ARHGEF3: variants seen among roughly 807,000 people sequenced by gnomAD.
ARHGEF3 encodes 59.8 kDA protein.
A neutral mutation model predicts 63.2 loss-of-function variants in ARHGEF3; 28 were observed. The observed-to-expected ratio is 0.44, with a 90% CI of 0.33 to 0.61. The LOEUF is 0.61. Among genes scored for constraint, ARHGEF3 ranks in the 20% least tolerant of loss-of-function variants. ARHGEF3 has a pLI of 0.03. For synonymous variants in ARHGEF3, 266 were observed against 254.2 expected (o/e 1.05, Z -0.44); for missense variants, 533 against 659.3 (o/e 0.81, Z 2.10).
chr3:57,030,285 A>T (rs1703679609), intron 2 of ARHGEF3, among the ~76,000 whole-genome samples: 1 of 152,212 alleles, frequency 6.6e-6, no homozygotes, highest in African/African-American at 2.4e-5. Flanking sequence ...CAGGAGAGTA[A>T]AGCCTAGCAG....
intron 3 of ARHGEF3, among the ~76,000 whole-genome samples, chr3:56,905,181 T>C (rs1188457616): frequency 6.6e-6 from 1 of 152,220 alleles, no homozygotes; most frequent in African/African-American, 2.4e-5. Flanking sequence ...TAGGTATTCA[T>C]TTTTTGAATA....
chr3:56,950,289 T>C (rs887111840), intron 3 of ARHGEF3, among the ~76,000 whole-genome samples: 2 of 151,998 alleles, frequency 1.3e-5, no homozygotes, highest in African/African-American at 2.4e-5. Flanking sequence ...TGGGATCTAA[T>C]TAAACTAAAG....
chr3:56,961,901 TG>T (rs1399638828), intron 2 of ARHGEF3, among the ~76,000 whole-genome samples: 1 of 152,120 alleles, frequency 6.6e-6, no homozygotes, highest in Non-Finnish European at 1.5e-5. Context: ...ACAAATTAGC[TG>T]GGCATTGTGG....
At chr3:56,958,306 C>T (rs954309921) in intron 3 of ARHGEF3, among the ~76,000 whole-genome samples, 1 of 150,330 alleles carries the variant, frequency 6.7e-6, no homozygotes, top group Non-Finnish European at 1.5e-5. Flanking sequence ...CAGAAGCTTA[C>T]TGGGCCACTT....
chr3:56,867,461 T>TTA (rs745636144), intron 4 of ARHGEF3, among the ~76,000 whole-genome samples: 1 of 45,136 alleles, frequency 2.2e-5, no homozygotes, highest in African/African-American at 9.4e-5. Flanking sequence ...AAAATGCTAT[T>TTA]TATTTATTTA....
intron 2 of ARHGEF3, among the ~76,000 whole-genome samples, chr3:56,976,408 T>C (rs1230995945): frequency 1.3e-5 from 2 of 152,200 alleles, no homozygotes; most frequent in African/African-American, 4.8e-5. Context: ...TACCATACTT[T>C]ACTAGTTTCT....
Position 56,728,040 on chromosome 3 carries a change from C to T in ARHGEF3, c.*1230G>A, listed in dbSNP as rs2032843325. 6.6e-6 allele frequency: 1 copy of T among 152,608 alleles called. No homozygotes were observed. Among genetic ancestry groups the T allele is most frequent in the African/African-American group, 2.4e-5 (1 of 41,448 alleles). The allele number at this position is 152,608 out of a possible 1,614,324, so 9.5% of individuals were successfully genotyped here. A position where few individuals can be genotyped will look rare whatever the true frequency, so the allele number is the denominator to read the frequency against. ...CCTTAATATTTACACTTGCAGGGAG[C>T]TCTTCTAGGTACTTAGCTGTTTTTA... On this transcript the variant is annotated 3_prime_UTR_variant, in exon 10 of 10. Coordinates refer to ENST00000296315, the MANE Select transcript of ARHGEF3 (RefSeq NM_019555.3).
chr3:56,729,276 G>A lies in ARHGEF3; in HGVS notation c.1575C>T (p.Asn525=), dbSNP rs747749503. 20 of 1,610,320 alleles carry A rather than the reference G, an allele frequency of 1.2e-5. No individual in the cohort carries two copies. The highest frequency in any genetic ancestry group is 1.4e-5 in the Non-Finnish European group (16 of 1,177,618). Residue 525 remains asparagine, a synonymous_variant, in exon 10 of 10, where the codon AAC becomes AAT. Transcript: ENST00000296315. The part of the protein sequence containing the change: ...SCGNSRHGES[N]V ...CGAAGTGCACATGCTTCTGTCAGAC[G>A]TTACTTTCACCGTGCCTGCTGTTTC...
chr3:56,912,206 G>A lies in ARHGEF3; in HGVS notation c.130-29852C>T, dbSNP rs546766458. On this transcript the variant is annotated intron_variant, in intron 3 of 12. Transcript: ENST00000338458. ...ATTTGCATACTTTAGATTCATATCT[G>A]AGCTAAAATGAGTTTAGAGACATCT... Among the ~76,000 whole-genome samples, 3 of 152,238 alleles carry A rather than the reference G, an allele frequency of 2.0e-5. No homozygotes were observed. In the East Asian group the frequency reaches 5.8e-4, roughly 29 times the overall value.
At chr3:56,745,522 G>A (rs1341060305) in intron 6 of ARHGEF3, 60 bp from the exon 7 acceptor site, 10 of 1,573,888 alleles carry the variant, frequency 6.4e-6, no homozygotes, top group East Asian at 4.5e-5. Flanking sequence ...CTGAGGCTAC[G>A]GTGGCATCAT....
chr3:56,984,237 T>C (rs1045144379), intron 2 of ARHGEF3, among the ~76,000 whole-genome samples: 1 of 152,142 alleles, frequency 6.6e-6, no homozygotes, highest in African/African-American at 2.4e-5. Flanking sequence ...CCCCACAATC[T>C]GCCATTTTCC....
rs79591076 is a variant in ARHGEF3, at chr3:56,780,173, G to A, written c.97-6357C>T. ...TGCCCAAAAACAGACAGATAATGAC[G>A]ATGAGCACATAGCACAGTACTTTGT... On this transcript the variant is annotated intron_variant, in intron 1 of 9. Coordinates refer to ENST00000296315, the MANE Select transcript of ARHGEF3 (RefSeq NM_019555.3). Among the ~76,000 whole-genome samples, 142 of 152,294 alleles carry A rather than the reference G, an allele frequency of 9.3e-4. 1 individual carries two copies. Among genetic ancestry groups the A allele is most frequent in the African/African-American group, 3.3e-3 (136 of 41,558 alleles).
chr3:56,823,755 G>A (rs2317443), intron 4 of ARHGEF3, among the ~76,000 whole-genome samples: 147,653 of 152,170 alleles, frequency 0.97, 71,771 homozygotes, highest in Non-Finnish European at 1. Context: ...TAAATAATCA[G>A]CTTCTTATGA....
chr3:57,067,756 C>T (rs1317821729), intron 1 of ARHGEF3, among the ~76,000 whole-genome samples: 5 of 149,582 alleles, frequency 3.3e-5, no homozygotes, highest in African/African-American at 9.8e-5. Flanking sequence ...CCGAGGCGGG[C>T]GGATCATGAG....
At chr3:56,927,608 G>C (rs2042307272) in intron 3 of ARHGEF3, among the ~76,000 whole-genome samples, 1 of 152,136 alleles carries the variant, frequency 6.6e-6, no homozygotes, top group South Asian at 2.1e-4. Context: ...GGGAGCCCCA[G>C]GATCAGGCAC....
intron 4 of ARHGEF3, among the ~76,000 whole-genome samples, chr3:56,816,673 G>A (rs1183912323): frequency 6.6e-6 from 1 of 152,196 alleles, no homozygotes; most frequent in Non-Finnish European, 1.5e-5. Context: ...ACAATCCTAT[G>A]AAATGAGTAC....
chr3:57,040,259 C>T (rs967289247), intron 1 of ARHGEF3, among the ~76,000 whole-genome samples: 1 of 152,068 alleles, frequency 6.6e-6, no homozygotes, highest in Non-Finnish European at 1.5e-5. Flanking sequence ...GGGTGGATCA[C>T]GAGGTCAGGA....
intron 4 of ARHGEF3, among the ~76,000 whole-genome samples, chr3:56,829,920 T>C (rs572565529): frequency 6.6e-6 from 1 of 152,342 alleles, no homozygotes; most frequent in Admixed American, 6.5e-5. Context: ...TGGTACCTTA[T>C]ACCAGTCCCC....
At chr3:56,910,686 C>A (rs913300010) in intron 3 of ARHGEF3, among the ~76,000 whole-genome samples, 6 of 152,032 alleles carry the variant, frequency 3.9e-5, no homozygotes, top group African/African-American at 1.4e-4. Context: ...TAAAGAAATA[C>A]AGTAACTGAA....
Sources: allele counts gnomAD v4.1 joint callset (sites outside exome capture counted in the v4.1 genomes callset), GRCh38; gene constraint gnomAD v4.1.1; transcripts MANE v1.5; gene names NCBI Gene and HGNC (gene_info 2026-07-23, HGNC 2026-07-21).